COL19A1: variants seen among roughly 807,000 people sequenced by gnomAD.
COL19A1 encodes collagen type XIX alpha 1 chain.
In COL19A1, 159 loss-of-function variants were observed where a neutral mutation model predicts 190.2. The ratio of observed to expected loss-of-function variants is 0.84; its 90% CI spans 0.73 to 0.95. The LOEUF is 0.95. COL19A1 is among the 40% of genes least tolerant of loss of function. COL19A1 has a pLI of 0.00. For synonymous variants in COL19A1, 509 were observed against 458.9 expected (o/e 1.11, Z -1.39); for missense variants, 1,418 against 1,431.9 (o/e 0.99, Z 0.16).
intron 11 of COL19A1, among the ~76,000 whole-genome samples, chr6:69,996,794 A>G (rs541706663): frequency 1.3e-5 from 2 of 152,052 alleles, no homozygotes; most frequent in African/African-American, 4.8e-5. Flanking sequence ...TTTAAAAACT[A>G]CAACATAAGC....
chr6:70,187,434 CA>C (rs1766601363), intron 46 of COL19A1, among the ~76,000 whole-genome samples: 1 of 130,430 alleles, frequency 7.7e-6, no homozygotes, highest in Non-Finnish European at 1.7e-5. Context: ...GGGGAGAGCA[CA>C]TGATTTAGGA....
At position 70,035,885 on chromosome 6, in the gene COL19A1, T is replaced by A. The variant is rs1779327229; in HGVS notation, c.1135-19T>A. ...AAAGGGACTAGTGGTAATTGTAGCT[T>A]TTCTTTAATCTATTTTAGGGAGATA... On this transcript the variant is annotated intron_variant, in intron 13 of 50. Coordinates refer to ENST00000620364, the MANE Select transcript of COL19A1 (RefSeq NM_001858.6). 1 of 1,610,574 alleles carries A rather than the reference T, an allele frequency of 6.2e-7. No homozygotes were observed. The highest frequency in any genetic ancestry group is 8.5e-7 in the Non-Finnish European group (1 of 1,177,204).
chr6:70,151,445 T>C lies in COL19A1; in HGVS notation c.2079+7T>C, dbSNP rs1787052057. 1 of 1,611,598 alleles carries C rather than the reference T, an allele frequency of 6.2e-7. No individual in the cohort carries two copies. The highest frequency in any genetic ancestry group is 8.5e-7 in the Non-Finnish European group (1 of 1,178,440). ...CATCGGTGCTTTGCTCAAGGTACTC[T>C]ATTGCTATGTAAGAAATTATGTGTT... is the stretch of plus-strand genomic sequence containing the variant. On this transcript the variant is annotated splice_region_variant and intron_variant, in intron 31 of 50. Coordinates refer to ENST00000620364, the MANE Select transcript of COL19A1 (RefSeq NM_001858.6).
At chr6:70,008,149 C>T (rs1294523370) in intron 11 of COL19A1, among the ~76,000 whole-genome samples, 1 of 151,366 alleles carries the variant, frequency 6.6e-6, no homozygotes. Context: ...ATATCAATAA[C>T]CAAGTATGTA....
chr6:69,966,075 T>C lies in COL19A1; in HGVS notation c.1026+3205T>C, dbSNP rs117518409. Among the ~76,000 whole-genome samples the C allele has an allele frequency of 5.5e-3, 835 of 152,328 alleles. 18 individuals are homozygous for C. In the East Asian group the frequency reaches 0.068, roughly 12 times the overall value. On this transcript the variant is annotated intron_variant, in intron 11 of 50. Transcript: ENST00000620364. ...GTCAGCCTTCCCAGCAATGATTTCA[T>C]CAAACTCTTGTTATGTAACCAAATG...
chr6:70,151,520 A>G (rs1787056910), intron 31 of COL19A1, 82 bp downstream of exon 31: 2 of 1,357,668 alleles, frequency 1.5e-6, no homozygotes, highest in South Asian at 2.4e-5. Context: ...AATTGAGTCA[A>G]TTGCTTAGCT....
chr6:69,980,183 A>C (rs546752967), intron 11 of COL19A1, among the ~76,000 whole-genome samples: 2 of 152,102 alleles, frequency 1.3e-5, no homozygotes, highest in Non-Finnish European at 2.9e-5. Flanking sequence ...ATAACATTCT[A>C]TAATGTCATA....
chr6:70,159,189 T>C (rs1342886630), intron 34 of COL19A1, among the ~76,000 whole-genome samples: 1 of 151,646 alleles, frequency 6.6e-6, no homozygotes, highest in East Asian at 1.9e-4. Context: ...ATTTTATGCA[T>C]GTACATATAG....
At chr6:69,968,332 C>A (rs765391312) in intron 11 of COL19A1, among the ~76,000 whole-genome samples, 1 of 152,070 alleles carries the variant, frequency 6.6e-6, no homozygotes, top group Non-Finnish European at 1.5e-5. Flanking sequence ...TTGTTTTCAG[C>A]ATTAAAAATA....
At chr6:69,883,142 G>A (rs924642257) in intron 2 of COL19A1, among the ~76,000 whole-genome samples, 2 of 152,202 alleles carry the variant, frequency 1.3e-5, no homozygotes, top group African/African-American at 2.4e-5. Context: ...GCTCTGAGGC[G>A]GCGGCATGCT....
At chr6:69,928,535 T>A (rs912974076) in intron 5 of COL19A1, among the ~76,000 whole-genome samples, 1 of 152,166 alleles carries the variant, frequency 6.6e-6, no homozygotes, top group Non-Finnish European at 1.5e-5. Flanking sequence ...ACAGAATTTG[T>A]ATTATCAGGG....
intron 37 of COL19A1, among the ~76,000 whole-genome samples, chr6:70,167,055 C>T (rs1303262812): frequency 6.6e-6 from 1 of 152,156 alleles, no homozygotes; most frequent in Non-Finnish European, 1.5e-5. Flanking sequence ...TGAAAATATC[C>T]TTTGTCTCTC....
intron 47 of COL19A1, 94 bp downstream of exon 47, chr6:70,188,339 A>G: frequency 1.4e-6 from 2 of 1,403,734 alleles, no homozygotes; most frequent in Non-Finnish European, 1.9e-6. Flanking sequence ...TCAAATAAAT[A>G]AAACAAACCT....
chr6:70,071,317 T>A (rs1477637543), intron 15 of COL19A1, among the ~76,000 whole-genome samples: 1 of 152,146 alleles, frequency 6.6e-6, no homozygotes, highest in African/African-American at 2.4e-5. Context: ...AGCAACACTA[T>A]TTTTGCAAGT....
chr6:70,163,500 T>C, intron 36 of COL19A1, 104 bp downstream of exon 36: 1 of 1,045,534 alleles, frequency 9.6e-7, no homozygotes, highest in Admixed American at 2.4e-5. Context: ...AGCCTAAAAG[T>C]AGAAATGATG....
At chr6:70,031,086 G>A (rs1040129691) in intron 12 of COL19A1, among the ~76,000 whole-genome samples, 2 of 152,050 alleles carry the variant, frequency 1.3e-5, no homozygotes, top group Non-Finnish European at 2.9e-5. Flanking sequence ...CCTCATCATG[G>A]CCTGCAATTA....
intron 2 of COL19A1, among the ~76,000 whole-genome samples, chr6:69,895,964 T>G (rs1242929201): frequency 6.6e-6 from 1 of 152,236 alleles, no homozygotes; most frequent in Non-Finnish European, 1.5e-5. Flanking sequence ...CTACACTTAT[T>G]TTTTGGTACT....
At chr6:70,090,032 G>T (rs1410039912) in intron 15 of COL19A1, among the ~76,000 whole-genome samples, 1 of 152,074 alleles carries the variant, frequency 6.6e-6, no homozygotes, top group Non-Finnish European at 1.5e-5. Flanking sequence ...TTAACAATTT[G>T]CTAAGTATGG....
At chr6:70,170,698 C>CT (rs555581077) in intron 40 of COL19A1, among the ~76,000 whole-genome samples, 26 of 149,456 alleles carry the variant, frequency 1.7e-4, no homozygotes, top group Middle Eastern at 3.4e-3. Flanking sequence ...AGAATCTGAA[C>CT]TTTTTTTTTT....
Sources: allele counts gnomAD v4.1 joint callset (sites outside exome capture counted in the v4.1 genomes callset), GRCh38; gene constraint gnomAD v4.1.1; transcripts MANE v1.5; gene names NCBI Gene and HGNC (gene_info 2026-07-23, HGNC 2026-07-21).